Variants in CTH observed in about 807,000 individuals in gnomAD.
CTH encodes cystathionine gamma-lyase.
Under a neutral mutation model 50.6 loss-of-function variants are expected in CTH, and 41 were observed. That is an observed-to-expected ratio of 0.81 (90% CI 0.63 to 1.05). The LOEUF (loss-of-function observed/expected upper bound fraction) is 1.05. Ranked by LOEUF, CTH falls within the 50% of genes least tolerant of loss-of-function variation. The probability of loss-of-function intolerance (pLI) is 0.00; values close to 1 mark genes in which losing one functional copy is unlikely to be tolerated. For missense variants in CTH, 470 were observed against 492.6 expected, an observed-to-expected ratio of 0.95 and a Z score of 0.43; for synonymous variants, 156 against 168.9, an observed-to-expected ratio of 0.92 and a Z score of 0.59.
At chr1:70,432,408 T>C (rs1684497234) in intron 8 of CTH, among the ~76,000 whole-genome samples, 173 bp downstream of exon 8, 2 of 152,226 alleles carry the variant, frequency 1.3e-5, no homozygotes, top group Admixed American at 1.3e-4. Flanking sequence ...GGAAAGAAGA[T>C]AGACCTGGTC....
intron 2 of CTH, among the ~76,000 whole-genome samples, chr1:70,416,801 G>T (rs1684103318): frequency 6.6e-6 from 1 of 151,644 alleles, no homozygotes. Context: ...CTGACCTCGT[G>T]ATCTCCCGCC....
intron 2 of CTH, among the ~76,000 whole-genome samples, chr1:70,416,622 G>A (rs1684097699): frequency 6.7e-6 from 1 of 148,508 alleles, no homozygotes. Flanking sequence ...GGAGTGCAAT[G>A]GCAGGATCTC....
intron 9 of CTH, 34 bp downstream of exon 9, chr1:70,433,983 G>C: frequency 6.2e-7 from 1 of 1,611,752 alleles, no homozygotes; most frequent in Non-Finnish European, 8.5e-7. Context: ...AATTGTAGGA[G>C]GTAAGGCCTT....
In CTH at chr1:70,438,730, T is replaced by C; in HGVS notation, c.1095T>C (p.Asp365=). 6.2e-7 allele frequency: 1 copy of C among 1,614,082 alleles called. No homozygotes were observed. Among genetic ancestry groups the C allele is most frequent in the Non-Finnish European group, 8.5e-7 (1 of 1,180,014 alleles). ...CATCAGTTCTTAAGAATGACAGAGA[T>C]GTCCTTGGAATTAGTGACACACTGA... ...THASVLKNDR[D]VLGISDTLIR... is the part of the protein sequence containing the mutation. Residue 365 remains aspartate (D), a synonymous_variant, in exon 11 of 12, where the codon GAT becomes GAC. Coordinates refer to ENST00000370938, the MANE Select transcript of CTH (RefSeq NM_001902.6).
chr1:70,424,444 A>T lies in CTH; in HGVS notation c.588+28A>T, dbSNP rs527415089. ...AAATGAAAATAATTTTTTTTGGCAC[A>T]ATTAGTAGACCACATATATCTGTAA... On this transcript the variant is annotated intron_variant, in intron 5 of 11. Transcript: ENST00000370938. 1.4e-4 allele frequency: 221 copies of T among 1,613,314 alleles called. 3 individuals carry two copies. The South Asian group carries it at 2.4e-3, about 17-fold the overall frequency.
chr1:70,435,215 G>T, intron 10 of CTH, 38 bp downstream of exon 10: 1 of 1,567,178 alleles, frequency 6.4e-7, no homozygotes, highest in South Asian at 1.1e-5. Context: ...TTTTAAATTT[G>T]ATGTCAGCTT....
At chr1:70,435,443 G>A (rs1459353865) in intron 10 of CTH, among the ~76,000 whole-genome samples, 1 of 151,906 alleles carries the variant, frequency 6.6e-6, no homozygotes, top group Admixed American at 6.6e-5. Flanking sequence ...TGTATTCTAG[G>A]ATCTCTGATC....
rs369641854 is a variant in CTH at position 70,438,887 on chromosome 1, T to TG, written c.1191+67dup. 1.1e-3 allele frequency: 1,700 copies of TG among 1,604,732 alleles called. 2 individuals are homozygous for TG. The highest frequency in any genetic ancestry group is 1.3e-3 in the Non-Finnish European group (1,550 of 1,176,646). ...GTGTGTGTCTGCTTTATCTTGGGCA[T>TG]GGGGGGTCACTATATTTACAAAGTG... On this transcript the variant is annotated intron_variant, in intron 11 of 11. Coordinates refer to ENST00000370938, the MANE Select transcript of CTH (RefSeq NM_001902.6).
intron 3 of CTH, among the ~76,000 whole-genome samples, chr1:70,418,933 C>A (rs984410209): frequency 6.6e-6 from 1 of 151,636 alleles, no homozygotes; most frequent in African/African-American, 2.4e-5. Flanking sequence ...ATTAACTCTT[C>A]ATTTAGCATT....
At chr1:70,439,017 T>C (rs1323342165) in intron 11 of CTH, 84 bp from the exon 12 acceptor site, 3 of 1,525,148 alleles carry the variant, frequency 2.0e-6, no homozygotes, top group East Asian at 4.5e-5. Flanking sequence ...AGGATGGTAG[T>C]ATTCAGAAAA....
At position 70,418,046 on chromosome 1, in the gene CTH, C is replaced by G; in HGVS notation, c.346+14C>G. ...ATGTGTATGGAGGTAGGTGACCCCT[C>G]TCATTTATATTCTGTAAACTTGTAT... On this transcript the variant is annotated intron_variant, in intron 3 of 11. Transcript: ENST00000370938. 6.2e-7 allele frequency: 1 copy of G among 1,613,034 alleles called. No homozygotes were observed. The highest frequency in any genetic ancestry group is 8.5e-7 in the Non-Finnish European group (1 of 1,179,098).
chr1:70,437,885 T>C (rs116767084), intron 10 of CTH, among the ~76,000 whole-genome samples: 1,732 of 152,350 alleles, frequency 0.011, 19 homozygotes, highest in South Asian at 0.031. Flanking sequence ...CTCTCCTCCA[T>C]TATTCTTCAC....
rs546570990 is a variant in CTH at position 70,417,702 on chromosome 1, G to A, written c.251-235G>A. ...TGTTTCAGAGAAATATTATTACCAA[G>A]GCAAAATTGACTTAACACAAAAGTA... On this transcript the variant is annotated intron_variant, in intron 2 of 11. Coordinates refer to ENST00000370938, the MANE Select transcript of CTH (RefSeq NM_001902.6). 3.7e-3 allele frequency among the ~76,000 whole-genome samples: 563 copies of A among 152,260 alleles called. 7 individuals carry two copies. The highest frequency in any genetic ancestry group is 5.6e-3 in the Admixed American group (86 of 15,294).
At chr1:70,417,626 T>G (rs1053973416) in intron 2 of CTH, among the ~76,000 whole-genome samples, 2 of 152,246 alleles carry the variant, frequency 1.3e-5, no homozygotes, top group Non-Finnish European at 2.9e-5. Context: ...GTAGTTTAAC[T>G]GGCAATAGGC....
chr1:70,416,153 C>T, intron 2 of CTH, 116 bp downstream of exon 2: 1 of 711,830 alleles, frequency 1.4e-6, no homozygotes, highest in Non-Finnish European at 2.5e-6. Context: ...AATTCCTGTT[C>T]TACTGCCTTT....
At chr1:70,414,813 GA>G (rs1684051514) in intron 1 of CTH, among the ~76,000 whole-genome samples, 1 of 147,770 alleles carries the variant, frequency 6.8e-6, no homozygotes, top group Admixed American at 7.1e-5. Context: ...TGTAAAAGGA[GA>G]ATAATGCAAT....
At chr1:70,419,084 T>C (rs1401818225) in intron 3 of CTH, among the ~76,000 whole-genome samples, 3 of 151,246 alleles carry the variant, frequency 2.0e-5, no homozygotes. Flanking sequence ...GTTTGGTTTT[T>C]TGTCCTTGTG....
intron 10 of CTH, among the ~76,000 whole-genome samples, chr1:70,435,474 C>T (rs1228683586): frequency 1.3e-5 from 2 of 151,998 alleles, no homozygotes; most frequent in Non-Finnish European, 2.9e-5. Flanking sequence ...AAGCAAGGGC[C>T]ACATGTTCTA....
At position 70,437,122 on chromosome 1, in the gene CTH, A is replaced by G. The variant is rs577588009; in HGVS notation, c.1053-1566A>G. Reference sequence around the variant, plus strand: ...ACAACACATGTAACTCTGTGACCTTAGAAAAGTTACTCATCCTCCCTAAAT... The same window carrying G: ...ACAACACATGTAACTCTGTGACCTTGGAAAAGTTACTCATCCTCCCTAAAT... On this transcript the variant is annotated intron_variant, in intron 10 of 11. Transcript: ENST00000370938. 2.0e-5 allele frequency among the ~76,000 whole-genome samples: 3 copies of G among 152,330 alleles called. No individual in the cohort carries two copies. In the South Asian group the frequency reaches 6.2e-4, roughly 32 times the overall value.
Sources: allele counts gnomAD v4.1 joint callset (sites outside exome capture counted in the v4.1 genomes callset), GRCh38; gene constraint gnomAD v4.1.1; transcripts MANE v1.5; gene names NCBI Gene and HGNC (gene_info 2026-07-23, HGNC 2026-07-21).